Variants in TENM3 observed in about 807,000 individuals in gnomAD.
The protein encoded by TENM3 is teneurin transmembrane protein 3.
In TENM3, 63 loss-of-function variants were observed where a neutral mutation model predicts 255.1. The ratio of observed to expected loss-of-function variants is 0.25; its 90% confidence interval spans 0.20 to 0.30. The LOEUF (loss-of-function observed/expected upper bound fraction) is 0.30, where lower values mean the gene tolerates loss of function less well. TENM3 is among the 10% of genes least tolerant of loss of function. TENM3 has a pLI of 1.00. For synonymous variants in TENM3, 1,306 were observed against 1,322.3 expected (o/e 0.99, Z 0.27); for missense variants, 2,929 against 3,461.1 (o/e 0.85, Z 3.86).
chr4:181,605,485 AG>A, the TENM3 span, among the ~76,000 whole-genome samples: 1 of 6,366 alleles, frequency 1.6e-4, no homozygotes, highest in Non-Finnish European at 3.3e-4. Context: ...AAACAGAGAA[AG>A]AAAGAAAGAA....
At chr4:181,621,982 CA>C in the TENM3 span, among the ~76,000 whole-genome samples, 1 of 152,166 alleles carries the variant, frequency 6.6e-6, no homozygotes, top group Non-Finnish European at 1.5e-5. Context: ...CATACGCACA[CA>C]ATAACTTCCG....
rs754822400 is a variant in TENM3 at position 182,737,014 on chromosome 4, T to G, written c.3174T>G (p.Thr1058=). 2 of 1,613,762 alleles carry G rather than the reference T, an allele frequency of 1.2e-6. No homozygotes were observed. The highest frequency in any genetic ancestry group is 1.7e-6 in the Non-Finnish European group (2 of 1,179,806). The change falls in exon 17 of 28, where the codon ACT becomes ACG. Residue 1058 remains threonine (T), a synonymous_variant. Transcript: ENST00000511685. ...WFPASPNLAY[T]FIWDKTDAYN... ...CTGCCTCACCAAACTTGGCCTATAC[T>G]TTCATATGGGATAAAACAGATGCAT... is the stretch of plus-strand genomic sequence containing the variant.
At chr4:182,202,193 G>A (rs1172595884) in intron 1 of TENM3, among the ~76,000 whole-genome samples, 2 of 152,286 alleles carry the variant, frequency 1.3e-5, no homozygotes, top group Middle Eastern at 3.4e-3. Flanking sequence ...TAACTGGAAC[G>A]TGGGCTTGTG....
rs148254678 is a variant in TENM3 at position 182,589,932 on chromosome 4, C to T, written c.512-10992C>T. Reference sequence around the variant, plus strand: ...GAAGGAGGTTTCAGTGAGCCGAGATCGCACCGCTGCACGCCAGCCTGGGCA... The same window carrying T: ...GAAGGAGGTTTCAGTGAGCCGAGATTGCACCGCTGCACGCCAGCCTGGGCA... On this transcript the variant is annotated intron_variant, in intron 3 of 27. Coordinates refer to ENST00000511685, the MANE Select transcript of TENM3 (RefSeq NM_001080477.4). Among the ~76,000 whole-genome samples, 417 of 152,154 alleles carry T rather than the reference C, an allele frequency of 2.7e-3. 1 individual carries two copies. The highest frequency in any genetic ancestry group is 9.2e-3 in the African/African-American group (380 of 41,526).
the TENM3 span, among the ~76,000 whole-genome samples, chr4:181,536,694 C>A: frequency 7.7e-3 from 1,166 of 152,314 alleles, 16 homozygotes; most frequent in African/African-American, 0.025. Context: ...TCTTCTAGGA[C>A]ATTTCATAGC....
chr4:182,787,646 AT>A (rs1765776731), intron 24 of TENM3, among the ~76,000 whole-genome samples: 1 of 147,388 alleles, frequency 6.8e-6, no homozygotes, highest in Non-Finnish European at 1.5e-5. Flanking sequence ...AGGCAGGAGA[AT>A]GGCTTGAACC....
the TENM3 span, among the ~76,000 whole-genome samples, chr4:181,772,870 A>G: frequency 6.6e-6 from 1 of 152,194 alleles, no homozygotes; most frequent in African/African-American, 2.4e-5. Context: ...GGTCACCTAG[A>G]ACTACACTTA....
At chr4:182,051,258 G>T in the TENM3 span, among the ~76,000 whole-genome samples, 1 of 151,466 alleles carries the variant, frequency 6.6e-6, no homozygotes, top group African/African-American at 2.4e-5. Context: ...CAGGAGAATC[G>T]CTTGAAACTG....
chr4:182,078,169 T>G, the TENM3 span, among the ~76,000 whole-genome samples: 1 of 152,072 alleles, frequency 6.6e-6, no homozygotes, highest in Non-Finnish European at 1.5e-5. Flanking sequence ...GAGGCTGCAG[T>G]AAGCAGTGAT....
chr4:181,691,236 TGTG>T, the TENM3 span, among the ~76,000 whole-genome samples: 3 of 37,454 alleles, frequency 8.0e-5, no homozygotes, highest in Admixed American at 6.7e-4. Context: ...AATATGATCT[TGTG>T]TGTGTGTGTG....
chr4:181,472,945 T>G, the TENM3 span, among the ~76,000 whole-genome samples: 1 of 152,220 alleles, frequency 6.6e-6, no homozygotes, highest in Non-Finnish European at 1.5e-5. Context: ...TTGTGCAAAC[T>G]CCGGTCATAA....
the TENM3 span, among the ~76,000 whole-genome samples, chr4:181,743,125 C>T: frequency 2.6e-5 from 4 of 151,952 alleles, no homozygotes; most frequent in Middle Eastern, 3.4e-3. Flanking sequence ...TGAATAGTGC[C>T]GCAGTAAACA....
At position 182,261,485 on chromosome 4, in the gene TENM3, C is replaced by G. The variant is rs140475840; in HGVS notation, c.-76+18009C>G. On this transcript the variant is annotated intron_variant, in intron 1 of 27. Transcript: ENST00000511685. ...ATGTCAGCACCCCGTGTTTGTCCCT[C>G]AGTGTTTTGTCATACACGCCTTACT... Among the ~76,000 whole-genome samples, 188 of 152,272 alleles carry G rather than the reference C, an allele frequency of 1.2e-3. 2 individuals are homozygous for G. The East Asian group carries it at 0.024, about 19-fold the overall frequency.
the TENM3 span, among the ~76,000 whole-genome samples, chr4:182,135,826 A>G: frequency 1.3e-5 from 2 of 152,238 alleles, no homozygotes; most frequent in African/African-American, 4.8e-5. Flanking sequence ...CTCTGCTTAC[A>G]TATCCTTAGT....
intron 6 of TENM3, among the ~76,000 whole-genome samples, chr4:182,669,677 A>T (rs990670756): frequency 2.0e-5 from 3 of 152,194 alleles, no homozygotes; most frequent in African/African-American, 7.2e-5. Flanking sequence ...CAGTGACTTA[A>T]TATATCTGAT....
chr4:181,882,471 A>G, the TENM3 span, among the ~76,000 whole-genome samples: 1 of 152,198 alleles, frequency 6.6e-6, no homozygotes, highest in African/African-American at 2.4e-5. Context: ...AGTCTGCCAC[A>G]TAGGCCCACT....
chr4:182,375,818 A>T (rs1767144937), intron 3 of TENM3, among the ~76,000 whole-genome samples: 1 of 152,194 alleles, frequency 6.6e-6, no homozygotes, highest in African/African-American at 2.4e-5. Flanking sequence ...TGCTGGGGTT[A>T]CAAGTGTGAG....
chr4:181,915,380 A>T, the TENM3 span, among the ~76,000 whole-genome samples: 5 of 152,180 alleles, frequency 3.3e-5, no homozygotes, highest in Non-Finnish European at 7.3e-5. Flanking sequence ...ACATGCTATT[A>T]TGTGCTCAGT....
At chr4:181,903,373 A>T in the TENM3 span, among the ~76,000 whole-genome samples, 1 of 152,222 alleles carries the variant, frequency 6.6e-6, no homozygotes, top group East Asian at 1.9e-4. Flanking sequence ...TTATGCATAC[A>T]GAAAGTGCTC....
Sources: allele counts gnomAD v4.1 joint callset (sites outside exome capture counted in the v4.1 genomes callset), GRCh38; gene constraint gnomAD v4.1.1; transcripts MANE v1.5; gene names NCBI Gene and HGNC (gene_info 2026-07-23, HGNC 2026-07-21).